Variants in SHANK2 observed in about 807,000 individuals in gnomAD.
SHANK2 encodes SH3 and multiple ankyrin repeat domains 2.
Under a neutral mutation model 133.7 loss-of-function variants are expected in SHANK2, and 43 were observed. The ratio of observed to expected loss-of-function variants is 0.32; its 90% CI spans 0.25 to 0.41. The LOEUF (loss-of-function observed/expected upper bound fraction) is 0.41. Among genes scored for constraint, SHANK2 ranks in the 10% least tolerant of loss-of-function variants. The probability of loss-of-function intolerance (pLI) is 1.00; values close to 1 mark genes in which losing one functional copy is unlikely to be tolerated. For missense variants in SHANK2, 1,994 were observed against 2,235.8 expected (o/e 0.89, Z 2.18); for synonymous variants, 1,017 against 952.8 (o/e 1.07, Z -1.24).
chr11:71,097,131 G>A lies in SHANK2; in HGVS notation c.593-2443C>T, dbSNP rs193159908. Among the ~76,000 whole-genome samples the A allele has an allele frequency of 5.9e-5, 9 of 152,290 alleles. No individual in the cohort carries two copies. In the East Asian group the frequency reaches 1.2e-3, roughly 20 times the overall value. On this transcript the variant is annotated intron_variant, in intron 6 of 25. Coordinates refer to ENST00000601538, the MANE Select transcript of SHANK2 (RefSeq NM_012309.5). ...AAGTGGCAGCCTTCTCAAGGGTTCC[G>A]GAATCCCTCCTCAAGTGATGTTCCA...
intron 9 of SHANK2, among the ~76,000 whole-genome samples, chr11:71,058,759 G>T (rs991567563): frequency 2.7e-4 from 41 of 152,198 alleles, no homozygotes; most frequent in African/African-American, 9.4e-4. Context: ...AATATACACC[G>T]AATAAAGGGG....
chr11:71,195,098 A>G (rs910162135), intron 2 of SHANK2, among the ~76,000 whole-genome samples: 1 of 152,246 alleles, frequency 6.6e-6, no homozygotes, highest in Non-Finnish European at 1.5e-5. Context: ...TTAGTATTAA[A>G]AAGTGCCTAA....
chr11:70,623,179 C>T (rs4980544), intron 17 of SHANK2, among the ~76,000 whole-genome samples: 74,677 of 145,736 alleles, frequency 0.51, 18,767 homozygotes, highest in Middle Eastern at 0.63. Context: ...TCGTCTCAAT[C>T]AAAAAAAAAA....
chr11:70,706,133 GT>G (rs1555024859), intron 14 of SHANK2: 1 of 153,376 alleles, frequency 6.5e-6, no homozygotes, highest in Non-Finnish European at 1.4e-5. Context: ...CCCCTCCTCG[GT>G]CCCCCCAGCC....
intron 11 of SHANK2, among the ~76,000 whole-genome samples, chr11:70,842,592 C>T (rs1221218398): frequency 2.0e-5 from 3 of 152,192 alleles, no homozygotes; most frequent in Admixed American, 6.5e-5. Context: ...AGCCCTGCAC[C>T]GTGAGCTCCT....
At chr11:70,612,833 C>T (rs1554994701) in intron 17 of SHANK2, among the ~76,000 whole-genome samples, 2 of 152,102 alleles carry the variant, frequency 1.3e-5, no homozygotes, top group Non-Finnish European at 2.9e-5. Flanking sequence ...CAATATCAGA[C>T]TCTATGTATT....
At chr11:71,104,033 A>T (rs1555097273) in intron 6 of SHANK2, among the ~76,000 whole-genome samples, 1 of 152,016 alleles carries the variant, frequency 6.6e-6, no homozygotes, top group Non-Finnish European at 1.5e-5. Flanking sequence ...AGATGCCACC[A>T]GCTTCCTGTA....
intron 11 of SHANK2, chr11:70,826,631 G>C: frequency 2.2e-6 from 1 of 449,476 alleles, no homozygotes; most frequent in South Asian, 1.6e-5. Context: ...CGGGTGTCTG[G>C]GCACGGTGCA....
chr11:70,740,103 CCG>C (rs1946490000), intron 14 of SHANK2, among the ~76,000 whole-genome samples: 2 of 150,942 alleles, frequency 1.3e-5, no homozygotes, highest in African/African-American at 4.9e-5. Flanking sequence ...GCTCATGGCT[CCG>C]TCCACAGCAC....
chr11:71,250,947 T>C (rs780162525), intron 1 of SHANK2, among the ~76,000 whole-genome samples: 11 of 152,000 alleles, frequency 7.2e-5, no homozygotes, highest in Non-Finnish European at 1.2e-4. Flanking sequence ...GAACTTGAGT[T>C]TCAAACGAAA....
At chr11:70,860,023 A>G (rs1949233142) in intron 11 of SHANK2, among the ~76,000 whole-genome samples, 1 of 152,058 alleles carries the variant, frequency 6.6e-6, no homozygotes, top group Non-Finnish European at 1.5e-5. Context: ...GTGTTCCTCA[A>G]AGAACCCCGA....
At position 71,210,210 on chromosome 11, in the gene SHANK2, G is replaced by GTGTATATATATGTATATATATATATA. The variant is rs1491563939; in HGVS notation, c.-13+14486_-13+14487insTATATATATATATACATATATATACA. ...GGTCCTCTTCATTGGAAATCCACAG[G>GTGTATATATATGTATATATATATATA]TATATATATATATATATATATATAT... On this transcript the variant is annotated intron_variant, in intron 2 of 25. Transcript: ENST00000601538. Among the ~76,000 whole-genome samples, 44 of 54,058 alleles carry GTGTATATATATGTATATATATATATA rather than the reference G, an allele frequency of 8.1e-4. 4 individuals carry two copies. Among genetic ancestry groups the GTGTATATATATGTATATATATATATA allele is most frequent in the Admixed American group, 5.5e-3 (23 of 4,182 alleles). 35.5% of individuals were successfully genotyped at this position (54,058 alleles called of 152,430 possible). A position where few individuals can be genotyped will look rare whatever the true frequency, so the allele number is the denominator to read the frequency against.
chr11:70,952,167 G>T (rs782526143), intron 10 of SHANK2, among the ~76,000 whole-genome samples: 3 of 152,168 alleles, frequency 2.0e-5, no homozygotes, highest in Admixed American at 1.3e-4. Flanking sequence ...TTCTGCAGAC[G>T]GGAATGCTAG....
chr11:70,475,004 A>C (rs1555149875), intron 25 of SHANK2: 1 of 152,552 alleles, frequency 6.6e-6, no homozygotes, highest in Non-Finnish European at 1.5e-5. Flanking sequence ...TGAAAGGGTC[A>C]TGGGCAAGAG....
intron 17 of SHANK2, among the ~76,000 whole-genome samples, chr11:70,653,763 A>G (rs1468992314): frequency 1.8e-4 from 27 of 152,246 alleles, no homozygotes; most frequent in African/African-American, 6.0e-4. Context: ...CATTCAATCA[A>G]CTGGGATTAA....
chr11:70,567,272 A>C (rs1009716201), intron 17 of SHANK2, among the ~76,000 whole-genome samples: 1 of 152,160 alleles, frequency 6.6e-6, no homozygotes, highest in Non-Finnish European at 1.5e-5. Context: ...GTAGAGAGGT[A>C]ATTAAGTTAA....
At chr11:71,073,936 A>C (rs1450361955) in intron 9 of SHANK2, among the ~76,000 whole-genome samples, 1 of 152,238 alleles carries the variant, frequency 6.6e-6, no homozygotes, top group East Asian at 1.9e-4. Context: ...CCAGAACTGA[A>C]CAGAGTTTGC....
chr11:70,571,792 G>C (rs2060048708), intron 17 of SHANK2, among the ~76,000 whole-genome samples: 1 of 152,060 alleles, frequency 6.6e-6, no homozygotes, highest in Non-Finnish European at 1.5e-5. Context: ...GAGGGGTGCG[G>C]CATCAGGGGG....
intron 14 of SHANK2, chr11:70,705,729 G>C (rs1846446230): frequency 6.6e-6 from 1 of 152,218 alleles, no homozygotes; most frequent in Admixed American, 6.5e-5. Context: ...TCAGTGCTGG[G>C]ATCAGTGCAT....
Sources: allele counts gnomAD v4.1 joint callset (sites outside exome capture counted in the v4.1 genomes callset), GRCh38; gene constraint gnomAD v4.1.1; transcripts MANE v1.5; gene names NCBI Gene and HGNC (gene_info 2026-07-23, HGNC 2026-07-21).